The following RGS6 variants were observed in gnomAD, a reference collection of about 807,000 sequenced individuals.
RGS6 encodes the protein regulator of G protein signaling 6, also known as regulator of G-protein signaling 6.
Under a neutral mutation model 78.5 loss-of-function variants are expected in RGS6, and 30 were observed. The observed-to-expected ratio is 0.38, with a 90% confidence interval of 0.29 to 0.52. The LOEUF (loss-of-function observed/expected upper bound fraction) is 0.52, where lower values mean the gene tolerates loss of function less well. Among genes scored for constraint, RGS6 ranks in the 20% least tolerant of loss-of-function variants. The pLI, the probability that RGS6 is intolerant of heterozygous loss-of-function variation, is 0.85. For synonymous variants in RGS6, 206 were observed against 206.0 expected, an observed-to-expected ratio of 1.00 and a Z score of 0.00; for missense variants, 495 against 609.7, an observed-to-expected ratio of 0.81 and a Z score of 1.98.
At chr14:72,334,922 GT>G (rs1213953745) in intron 2 of RGS6, among the ~76,000 whole-genome samples, 7 of 152,218 alleles carry the variant, frequency 4.6e-5, no homozygotes, top group African/African-American at 1.7e-4. Context: ...CTCTGATATG[GT>G]TTGGCTGTGT....
intron 2 of RGS6, among the ~76,000 whole-genome samples, chr14:72,112,669 G>C (rs2095795841): frequency 6.6e-6 from 1 of 152,180 alleles, no homozygotes; most frequent in Non-Finnish European, 1.5e-5. Context: ...CTATGCATGA[G>C]GAATGTCATC....
At chr14:72,365,349 C>G (rs847325) in intron 3 of RGS6, among the ~76,000 whole-genome samples, 2 of 151,972 alleles carry the variant, frequency 1.3e-5, no homozygotes, top group Non-Finnish European at 2.9e-5. Flanking sequence ...AAATTGATAT[C>G]CAGTTTTCCA....
chr14:72,281,939 G>A (rs918149294), intron 2 of RGS6, among the ~76,000 whole-genome samples: 9 of 152,166 alleles, frequency 5.9e-5, no homozygotes, highest in African/African-American at 1.2e-4. Flanking sequence ...CAAAGTCATC[G>A]GAAGATTTTA....
intron 2 of RGS6, among the ~76,000 whole-genome samples, chr14:72,306,376 C>A (rs1490816954): frequency 6.6e-6 from 1 of 152,112 alleles, no homozygotes; most frequent in Non-Finnish European, 1.5e-5. Flanking sequence ...ATTCTATAGC[C>A]CTGGAGCAAA....
rs1458302330 is a variant in RGS6 at position 72,537,668 on chromosome 14, T to C, written c.1368+1393T>C. On this transcript the variant is annotated intron_variant, in intron 16 of 17. Transcript: ENST00000553525. ...TTCTAAGAACTAGAGGAAAGAAAAA[T>C]TATAGGAACTTTTGATAACTCCAGC... 4 of 642,888 alleles carry C rather than the reference T, an allele frequency of 6.2e-6. No homozygotes were observed. The African/African-American group carries it at 7.3e-5, about 12-fold the overall frequency. 39.8% of individuals were successfully genotyped at this position (642,888 alleles called of 1,614,324 possible).
intron 2 of RGS6, among the ~76,000 whole-genome samples, chr14:72,141,416 C>T (rs899377947): frequency 2.6e-5 from 4 of 152,286 alleles, no homozygotes; most frequent in East Asian, 1.9e-4. Context: ...AGTTCTCAGT[C>T]CTCTCTCTCA....
intron 1 of RGS6, among the ~76,000 whole-genome samples, chr14:71,938,576 T>C (rs1446767076): frequency 6.6e-6 from 1 of 152,170 alleles, no homozygotes; most frequent in Non-Finnish European, 1.5e-5. Context: ...GGGTGCAGGC[T>C]AGGGGAGAGA....
At chr14:72,169,609 G>A (rs953127533) in intron 2 of RGS6, among the ~76,000 whole-genome samples, 2 of 152,172 alleles carry the variant, frequency 1.3e-5, no homozygotes, top group African/African-American at 4.8e-5. Flanking sequence ...TTAGTTTATT[G>A]TTTCTTTTCT....
intron 2 of RGS6, among the ~76,000 whole-genome samples, chr14:72,251,003 T>C (rs2055613250): frequency 6.6e-6 from 1 of 152,206 alleles, no homozygotes; most frequent in Non-Finnish European, 1.5e-5. Context: ...AAAGGCCAGA[T>C]AGCTGAAGCT....
the RGS6 span, among the ~76,000 whole-genome samples, chr14:72,624,535 C>T: frequency 6.6e-6 from 1 of 152,058 alleles, no homozygotes. Flanking sequence ...GACAGGGCTT[C>T]ACCAAGTTGG....
At chr14:72,127,804 G>C (rs2096235462) in intron 2 of RGS6, among the ~76,000 whole-genome samples, 1 of 152,102 alleles carries the variant, frequency 6.6e-6, no homozygotes, top group South Asian at 2.1e-4. Context: ...AAGATCCTCT[G>C]TTACCCCTTT....
Position 72,562,602 on chromosome 14 carries a change from G to T in RGS6, c.*135G>T, listed in dbSNP as rs375414399. ...GGAGAAAGAGTGAGGGCAATGAAGG[G>T]CGATGGTGGGGAGACTCGGTGGGTG... On this transcript the variant is annotated 3_prime_UTR_variant, in exon 18 of 18. Transcript: ENST00000553525. 3.9e-4 allele frequency: 602 copies of T among 1,537,566 alleles called. 4 individuals are homozygous for T. The South Asian group carries it at 6.9e-3, about 18-fold the overall frequency.
At chr14:72,223,499 T>A (rs1186338444) in intron 2 of RGS6, among the ~76,000 whole-genome samples, 1 of 152,252 alleles carries the variant, frequency 6.6e-6, no homozygotes, top group African/African-American at 2.4e-5. Flanking sequence ...CTAATTTGTG[T>A]GATAATTTGT....
At chr14:72,023,460 T>C (rs1596246177) in intron 2 of RGS6, among the ~76,000 whole-genome samples, 1 of 152,316 alleles carries the variant, frequency 6.6e-6, no homozygotes, top group Non-Finnish European at 1.5e-5. Context: ...AGATATTCAC[T>C]AGAACATTCC....
intron 15 of RGS6, among the ~76,000 whole-genome samples, chr14:72,519,804 C>T (rs1445654175): frequency 2.0e-5 from 3 of 152,156 alleles, no homozygotes; most frequent in Non-Finnish European, 2.9e-5. Context: ...AGGGGAGTTC[C>T]GTGGGGGTTC....
At chr14:72,415,520 A>G (rs2093738611) in intron 3 of RGS6, among the ~76,000 whole-genome samples, 1 of 152,200 alleles carries the variant, frequency 6.6e-6, no homozygotes, top group Admixed American at 6.5e-5. Flanking sequence ...GCTTTGGCTC[A>G]CGCACGGTGC....
At chr14:72,586,983 T>A in the RGS6 span, among the ~76,000 whole-genome samples, 4 of 152,038 alleles carry the variant, frequency 2.6e-5, no homozygotes, top group Middle Eastern at 3.4e-3. Context: ...AGGAACATAA[T>A]CCCCACAAAG....
chr14:72,232,272 A>C (rs2049840122), intron 2 of RGS6, among the ~76,000 whole-genome samples: 1 of 152,192 alleles, frequency 6.6e-6, no homozygotes, highest in Non-Finnish European at 1.5e-5. Flanking sequence ...ATGGGTGGGC[A>C]TGGGGAGAAG....
chr14:72,438,304 A>G (rs539652535), intron 3 of RGS6, among the ~76,000 whole-genome samples: 10 of 151,920 alleles, frequency 6.6e-5, no homozygotes, highest in African/African-American at 2.4e-4. Flanking sequence ...CTCTCTCTGC[A>G]TTTTCTCCTT....
Sources: allele counts gnomAD v4.1 joint callset (sites outside exome capture counted in the v4.1 genomes callset), GRCh38; gene constraint gnomAD v4.1.1; transcripts MANE v1.5; gene names NCBI Gene and HGNC (gene_info 2026-07-23, HGNC 2026-07-21).